VIP: variants seen among roughly 807,000 people sequenced by gnomAD.
VIP encodes the protein vasoactive intestinal peptide.
VIP carries 18 observed loss-of-function variants against 20.1 expected under a neutral mutation model. That is an observed-to-expected ratio of 0.90 (90% confidence interval 0.62 to 1.33). The LOEUF (loss-of-function observed/expected upper bound fraction) is 1.33. VIP is among the 40% of genes most tolerant of loss of function. VIP has a pLI of 0.00. For missense variants in VIP, 209 were observed against 199.4 expected (o/e 1.05, Z -0.29); for synonymous variants, 70 against 68.1 (o/e 1.03, Z -0.14).
chr6:152,755,285 G>C lies in VIP; in HGVS notation c.247G>C (p.Asp83His), dbSNP rs528096436. Residue 83 changes from aspartate to histidine, a missense_variant, in exon 4 of 7, where the codon GAT (aspartate) becomes CAT (histidine). Physicochemically the swap from Asp to His is moderately conservative, Grantham distance 81. Transcript: ENST00000367244. ...YDVSRNARHA[D>H]GVFTSDFSKL... ...TTGTTTTAGAAATGCCAGGCATGCT[G>C]ATGGAGTTTTCACCAGTGACTTCAG... The C allele has an allele frequency of 8.7e-5, 138 of 1,578,150 alleles. 1 individual carries two copies. The South Asian group carries it at 1.6e-3, about 18-fold the overall frequency.
chr6:152,752,060 C>T (rs2099729737), intron 1 of VIP, 108 bp from the exon 2 acceptor site: 3 of 639,368 alleles, frequency 4.7e-6, no homozygotes, highest in Non-Finnish European at 8.0e-6. Context: ...ATGAAAATTA[C>T]TCTTTACAAA....
In VIP at chr6:152,757,142, T is replaced by C. The variant is rs374348552; in HGVS notation, c.*1T>C. ...CTTTCCAGAAGAGTTAGAAAAATGA[T>C]GAAAAAGACCTTTGGAGCAAAGCTG... On this transcript the variant is annotated 3_prime_UTR_variant, in exon 6 of 7. Coordinates refer to ENST00000367244, the MANE Select transcript of VIP (RefSeq NM_003381.4). The C allele has an allele frequency of 1.8e-5, 29 of 1,611,480 alleles. No individual in the cohort carries two copies. Among genetic ancestry groups the C allele is most frequent in the Non-Finnish European group, 1.1e-5 (13 of 1,178,570 alleles).
chr6:152,752,387 AT>A (rs1302404835), intron 2 of VIP, 103 bp downstream of exon 2: 2 of 936,548 alleles, frequency 2.1e-6, no homozygotes, highest in Admixed American at 5.5e-5. Context: ...ATTATGTATT[AT>A]GTATTTAAAT....
rs369239806 is a variant in VIP at position 152,752,162 on chromosome 6, C to T, written c.-10-6C>T. On this transcript the variant is annotated splice_region_variant and splice_polypyrimidine_tract_variant and intron_variant, in intron 1 of 6. Coordinates refer to ENST00000367244, the MANE Select transcript of VIP (RefSeq NM_003381.4). ...TGGAAGAACTGAGGTGATTCTCTCT[C>T]TTTAGAGGCACAGAAATGGACACCA... 4 of 1,608,150 alleles carry T rather than the reference C, an allele frequency of 2.5e-6. No individual in the cohort carries two copies. Among genetic ancestry groups the T allele is most frequent in the Non-Finnish European group, 3.4e-6 (4 of 1,175,038 alleles).
intron 2 of VIP, among the ~76,000 whole-genome samples, chr6:152,752,912 C>T (rs764300238): frequency 6.6e-6 from 1 of 152,004 alleles, no homozygotes; most frequent in Non-Finnish European, 1.5e-5. Context: ...TAAAGTATAA[C>T]ACAACTCTTA....
intron 2 of VIP, among the ~76,000 whole-genome samples, chr6:152,752,693 T>C (rs1351798016): frequency 2.0e-5 from 3 of 152,148 alleles, no homozygotes; most frequent in African/African-American, 7.2e-5. Flanking sequence ...CAGTAAATAA[T>C]CATAAGACTA....
chr6:152,752,432 C>A lies in VIP; in HGVS notation c.107+148C>A, dbSNP rs576129648. 374 of 595,880 alleles carry A rather than the reference C, an allele frequency of 6.3e-4. 1 individual carries two copies. The highest frequency in any genetic ancestry group is 2.3e-3 in the Middle Eastern group (5 of 2,162). 36.9% of individuals were successfully genotyped at this position (595,880 alleles called of 1,614,324 possible). The stretch of plus-strand genomic sequence containing the variant: ...GATGTGTTGAGTGAGAGGTGTTTGT[C>A]AACATCAGGTCATTCTGAGTCCTGG... On this transcript the variant is annotated intron_variant, in intron 2 of 6. Transcript: ENST00000367244.
In VIP at chr6:152,754,146, C is replaced by T. The variant is rs368777735; in HGVS notation, c.108-20C>T. 14 of 1,605,392 alleles carry T rather than the reference C, an allele frequency of 8.7e-6. No individual in the cohort carries two copies. Among genetic ancestry groups the T allele is most frequent in the South Asian group, 2.2e-5 (2 of 89,330 alleles). On this transcript the variant is annotated intron_variant, in intron 2 of 6. Transcript: ENST00000367244. Reference sequence around the variant, plus strand: ...TTCTGAAAAAAGAATGTATTATTCTCGTGTAACTTTCCCCATCAGGTTGGG... The same window carrying T: ...TTCTGAAAAAAGAATGTATTATTCTTGTGTAACTTTCCCCATCAGGTTGGG...
chr6:152,751,488 G>A (rs2099729632), intron 1 of VIP, among the ~76,000 whole-genome samples: 1 of 151,874 alleles, frequency 6.6e-6, no homozygotes, highest in African/African-American at 2.4e-5. Context: ...AGAAATGCAA[G>A]CTTTGCTTTT....
chr6:152,755,425 A>G, intron 4 of VIP, 52 bp downstream of exon 4: 1 of 1,160,226 alleles, frequency 8.6e-7, no homozygotes, highest in East Asian at 2.8e-5. Flanking sequence ...TTCAATCTGA[A>G]TATTGTATTT....
intron 3 of VIP, 23 bp from the exon 4 acceptor site, chr6:152,755,246 T>A (rs767450970): frequency 1.4e-6 from 2 of 1,479,720 alleles, no homozygotes; most frequent in South Asian, 2.6e-5. Flanking sequence ...AAATAATAGC[T>A]ATTTTTTTCT....
At chr6:152,757,937 T>TG in intron 6 of VIP, among the ~76,000 whole-genome samples, 1 of 152,076 alleles carries the variant, frequency 6.6e-6, no homozygotes, top group African/African-American at 2.4e-5. Flanking sequence ...TCTATAATAC[T>TG]GGGCAAGTGC....
chr6:152,752,039 C>G, intron 1 of VIP, 129 bp from the exon 2 acceptor site: 1 of 597,180 alleles, frequency 1.7e-6, no homozygotes, highest in Non-Finnish European at 2.9e-6. Flanking sequence ...CAATTTAACT[C>G]TTTCTACAAG....
chr6:152,755,469 T>C, intron 4 of VIP, 96 bp downstream of exon 4: 1 of 758,716 alleles, frequency 1.3e-6, no homozygotes, highest in South Asian at 3.4e-5. Flanking sequence ...TTGTTTGAAA[T>C]TGAAAACTCG....
chr6:152,754,069 C>T, intron 2 of VIP, 97 bp from the exon 3 acceptor site: 1 of 1,350,438 alleles, frequency 7.4e-7, no homozygotes, highest in Non-Finnish European at 9.9e-7. Flanking sequence ...GTAATACTTC[C>T]CAAGAGTCTA....
chr6:152,752,369 TA>T, intron 2 of VIP, 85 bp downstream of exon 2: 1 of 1,114,606 alleles, frequency 9.0e-7, no homozygotes. Flanking sequence ...GACAACTAAA[TA>T]GTATAAATTA....
intron 5 of VIP, 58 bp from the exon 6 acceptor site, chr6:152,757,037 TC>T: frequency 6.5e-7 from 1 of 1,540,286 alleles, no homozygotes; most frequent in Non-Finnish European, 8.9e-7. Context: ...CATAATAGTT[TC>T]TTTAGACCCT....
Position 152,757,248 on chromosome 6 carries a change from G to C in VIP, c.*43+64G>C, listed in dbSNP as rs537383103. 1.4e-5 allele frequency: 15 copies of C among 1,061,888 alleles called. No individual in the cohort carries two copies. In the African/African-American group the frequency reaches 2.1e-4, roughly 15 times the overall value. 65.8% of individuals were successfully genotyped at this position (1,061,888 alleles called of 1,614,324 possible). The stretch of plus-strand genomic sequence containing the variant: ...TGTCTCTGATTATATAAGTAGCTAA[G>C]AGTCACTTAGTAAGAAACATCTTAG... On this transcript the variant is annotated intron_variant, in intron 6 of 6. Coordinates refer to ENST00000367244, the MANE Select transcript of VIP (RefSeq NM_003381.4).
chr6:152,756,758 G>A (rs1244413955), intron 5 of VIP, among the ~76,000 whole-genome samples: 1 of 151,886 alleles, frequency 6.6e-6, no homozygotes, highest in Non-Finnish European at 1.5e-5. Flanking sequence ...TCTCTATGGT[G>A]TGTAAATATT....
Sources: gnomAD v4.1 joint callset for allele counts (sites outside exome capture counted in the v4.1 genomes callset) on GRCh38, gnomAD v4.1.1 for gene constraint, MANE v1.5 for transcripts, NCBI Gene and HGNC (gene_info 2026-07-23, HGNC 2026-07-21) for gene names.